The following TMEM71 variants were observed in gnomAD, a reference collection of about 807,000 sequenced individuals.
TMEM71 encodes transmembrane protein 71.
A neutral mutation model predicts 38.0 loss-of-function variants in TMEM71; 44 were observed. The observed-to-expected ratio is 1.16, with a 90% CI of 0.91 to 1.49. The LOEUF is 1.49. Ranked by LOEUF, TMEM71 falls within the 40% of genes most tolerant of loss-of-function variation. The pLI is 0.00. For synonymous variants in TMEM71, 133 were observed against 122.5 expected, an observed-to-expected ratio of 1.09 and a Z score of -0.56; for missense variants, 367 against 348.6, an observed-to-expected ratio of 1.05 and a Z score of -0.42.
intron 4 of TMEM71, among the ~76,000 whole-genome samples, chr8:132,750,012 CAA>C (rs10623448): frequency 1.6e-5 from 2 of 124,228 alleles, no homozygotes; most frequent in African/African-American, 3.2e-5. Flanking sequence ...GACTCCATCT[CAA>C]AAAAAAAAAA....
chr8:132,758,907 A>G lies in TMEM71; in HGVS notation c.-28T>C. 6.2e-7 allele frequency: 1 copy of G among 1,609,620 alleles called. No individual in the cohort carries two copies. The highest frequency in any genetic ancestry group is 8.5e-7 in the Non-Finnish European group (1 of 1,176,144). ...TGGGAAGGCCGCTTGCTCAAACTTC[A>G]CAGATTCTCTGCAAAAGATGTTAAA... On this transcript the variant is annotated 5_prime_UTR_variant, in exon 2 of 10. Coordinates refer to ENST00000677595, the MANE Select transcript of TMEM71 (RefSeq NM_001382403.1).
At chr8:132,739,411 A>ACGCCATTCTCCTGCCTCAGCTTCC (rs976537052) in intron 5 of TMEM71, among the ~76,000 whole-genome samples, 1 of 152,178 alleles carries the variant, frequency 6.6e-6, no homozygotes, top group African/African-American at 2.4e-5. Flanking sequence ...TCCCAGGTTC[A>ACGCCATTCTCCTGCCTCAGCTTCC]CGCCATTCTC....
chr8:132,752,063 T>C (rs1828746375), intron 3 of TMEM71, 66 bp from the exon 4 acceptor site: 3 of 1,333,898 alleles, frequency 2.2e-6, no homozygotes, highest in Admixed American at 1.8e-5. Flanking sequence ...ATAAACCATG[T>C]CTCATCACTG....
At chr8:132,724,254 G>A (rs904235591) in intron 6 of TMEM71, among the ~76,000 whole-genome samples, 6 of 152,108 alleles carry the variant, frequency 3.9e-5, no homozygotes, top group African/African-American at 1.2e-4. Flanking sequence ...CCAGGGCTGG[G>A]GTTTCCCAAT....
At chr8:132,749,858 A>G (rs1025533165) in intron 4 of TMEM71, among the ~76,000 whole-genome samples, 1 of 152,062 alleles carries the variant, frequency 6.6e-6, no homozygotes, top group Admixed American at 6.5e-5. Context: ...CACTAAAAAT[A>G]CAAAAATTAG....
downstream of TMEM71, among the ~76,000 whole-genome samples, chr8:132,709,065 A>G (rs1826136011): frequency 6.6e-6 from 1 of 152,238 alleles, no homozygotes; most frequent in African/African-American, 2.4e-5. Flanking sequence ...GAAGCATTAT[A>G]TGCACGTAAA....
At chr8:132,724,081 C>T (rs1034943165) in intron 6 of TMEM71, among the ~76,000 whole-genome samples, 2 of 152,028 alleles carry the variant, frequency 1.3e-5, no homozygotes, top group African/African-American at 4.8e-5. Flanking sequence ...CTTCAAAGGG[C>T]AAAAAGGAGA....
chr8:132,751,616 T>C (rs1019482006), intron 4 of TMEM71, among the ~76,000 whole-genome samples, 169 bp downstream of exon 4: 5 of 152,162 alleles, frequency 3.3e-5, no homozygotes, highest in Non-Finnish European at 7.3e-5. Context: ...GTGAACAAAA[T>C]TAATGGATGG....
At chr8:132,711,075 T>C in intron 9 of TMEM71, 93 bp from the exon 10 acceptor site, 1 of 1,197,102 alleles carries the variant, frequency 8.4e-7, no homozygotes, top group Non-Finnish European at 1.2e-6. Flanking sequence ...TGCGCATATA[T>C]AAGCACACAC....
At chr8:132,757,559 T>A (rs2433055) in intron 2 of TMEM71, among the ~76,000 whole-genome samples, 1 of 151,782 alleles carries the variant, frequency 6.6e-6, no homozygotes, top group South Asian at 2.1e-4. Flanking sequence ...GGGCGCAGTG[T>A]CTCACTCCTG....
At chr8:132,774,472 TTTAA>T in the TMEM71 span, among the ~76,000 whole-genome samples, 1 of 152,252 alleles carries the variant, frequency 6.6e-6, no homozygotes, top group Non-Finnish European at 1.5e-5. Flanking sequence ...AGAATGATTG[TTTAA>T]TTTACCAAAT....
At chr8:132,764,255 T>A (rs539669431), upstream of TMEM71, among the ~76,000 whole-genome samples, 1 of 151,572 alleles carries the variant, frequency 6.6e-6, no homozygotes, top group South Asian at 2.1e-4. Flanking sequence ...ATCAATAAGG[T>A]ACATTACATA....
At chr8:132,738,511 G>T (rs1482355631) in intron 5 of TMEM71, among the ~76,000 whole-genome samples, 2 of 152,050 alleles carry the variant, frequency 1.3e-5, no homozygotes, top group Non-Finnish European at 2.9e-5. Context: ...AATTGCCTCA[G>T]AGCTCCCATC....
intron 4 of TMEM71, among the ~76,000 whole-genome samples, chr8:132,750,869 T>C (rs1828669043): frequency 6.6e-6 from 1 of 152,220 alleles, no homozygotes; most frequent in Admixed American, 6.5e-5. Context: ...CTTCCTTTGC[T>C]TGACCTCCCA....
chr8:132,760,555 TC>T lies in TMEM71; in HGVS notation c.-117del, dbSNP rs1563759643. ...TTTTGTCTTCGGCAGCCTCTTGTTCTCTTGTCTGTTTCCTGGTATAAATGAG... is the reference window on the plus strand; with the variant it reads ...TTTTGTCTTCGGCAGCCTCTTGTTCTTTGTCTGTTTCCTGGTATAAATGAG... On this transcript the variant is annotated 5_prime_UTR_variant, in exon 1 of 10. Transcript: ENST00000677595. 1 of 152,420 alleles carries T rather than the reference TC, an allele frequency of 6.6e-6. No individual in the cohort carries two copies. Among genetic ancestry groups the T allele is most frequent in the East Asian group, 1.9e-4 (1 of 5,188 alleles). 9.4% of individuals were successfully genotyped at this position (152,420 alleles called of 1,614,324 possible).
intron 3 of TMEM71, among the ~76,000 whole-genome samples, chr8:132,752,441 G>T (rs1399006250): frequency 6.6e-6 from 1 of 152,122 alleles, no homozygotes; most frequent in Non-Finnish European, 1.5e-5. Flanking sequence ...CAGTCAAAAT[G>T]ATCATTTTTG....
At chr8:132,728,191 A>C (rs548224837) in intron 5 of TMEM71, among the ~76,000 whole-genome samples, 1 of 152,296 alleles carries the variant, frequency 6.6e-6, no homozygotes, top group Non-Finnish European at 1.5e-5. Flanking sequence ...CATGCTGCTG[A>C]TAAAGACTTT....
At chr8:132,750,813 T>C (rs1392473440) in intron 4 of TMEM71, among the ~76,000 whole-genome samples, 2 of 152,206 alleles carry the variant, frequency 1.3e-5, no homozygotes, top group African/African-American at 4.8e-5. Flanking sequence ...TGTCCTACCA[T>C]ACATCCAGTT....
chr8:132,711,188 T>C (rs540647213), intron 9 of TMEM71, among the ~76,000 whole-genome samples: 7 of 152,290 alleles, frequency 4.6e-5, no homozygotes, highest in Non-Finnish European at 7.3e-5. Flanking sequence ...CAGTTCTTAG[T>C]GCTCTCCTTT....
Sources: gnomAD v4.1 joint callset for allele counts (sites outside exome capture counted in the v4.1 genomes callset) on GRCh38, gnomAD v4.1.1 for gene constraint, MANE v1.5 for transcripts, NCBI Gene and HGNC (gene_info 2026-07-23, HGNC 2026-07-21) for gene names.